Variants in FBXW7 observed in about 807,000 individuals in gnomAD.
FBXW7 encodes F-box/WD repeat-containing protein 7.
A neutral mutation model predicts 86.3 loss-of-function variants in FBXW7; 11 were observed. That is an observed-to-expected ratio of 0.13 (90% CI 0.08 to 0.21). The LOEUF (loss-of-function observed/expected upper bound fraction) is 0.21. Ranked by LOEUF, FBXW7 falls within the 10% of genes least tolerant of loss-of-function variation. The pLI is 1.00. For synonymous variants in FBXW7, 313 were observed against 297.9 expected, an observed-to-expected ratio of 1.05 and a Z score of -0.52; for missense variants, 488 against 847.4, an observed-to-expected ratio of 0.58 and a Z score of 5.27.
rs1578958066 is a variant in FBXW7 at position 152,350,407 on chromosome 4, T to C, written c.502-283A>G. On this transcript the variant is annotated intron_variant, in intron 4 of 13. Coordinates refer to ENST00000281708, the MANE Select transcript of FBXW7 (RefSeq NM_001349798.2). ...TATATATATATTCCTTGAGATAATATATCTTTCATGTTTTCCAATTTAATA... is the reference window on the plus strand; with the variant it reads ...TATATATATATTCCTTGAGATAATACATCTTTCATGTTTTCCAATTTAATA... Among the ~76,000 whole-genome samples the C allele has an allele frequency of 2.6e-5, 4 of 151,838 alleles. No homozygotes were observed. The South Asian group carries it at 8.3e-4, about 31-fold the overall frequency.
intron 2 of FBXW7, among the ~76,000 whole-genome samples, chr4:152,487,274 T>C (rs149407633): frequency 9.5e-4 from 144 of 152,200 alleles, no homozygotes; most frequent in African/African-American, 3.2e-3. Context: ...AGATTAATGA[T>C]TAATTATCAA....
chr4:152,391,992 T>G lies in FBXW7; in HGVS notation c.501+19311A>C, dbSNP rs564841248. Among the ~76,000 whole-genome samples the G allele has an allele frequency of 3.9e-4, 60 of 152,256 alleles. No homozygotes were observed. In the South Asian group the frequency reaches 6.2e-3, roughly 16 times the overall value. On this transcript the variant is annotated intron_variant, in intron 4 of 13. Transcript: ENST00000281708. ...CAGATATAAATGAGTTCTAGATAACTGAAATAAAGTATTGTATAAGACATT... is the reference window on the plus strand; with the variant it reads ...CAGATATAAATGAGTTCTAGATAACGGAAATAAAGTATTGTATAAGACATT...
chr4:152,382,538 C>T (rs1435687081), intron 4 of FBXW7: 1 of 1,127,232 alleles, frequency 8.9e-7, no homozygotes, highest in Non-Finnish European at 1.1e-6. Flanking sequence ...GCAAACTATC[C>T]TAGAATAGCC....
At chr4:152,453,983 C>T (rs1051717224) in intron 2 of FBXW7, among the ~76,000 whole-genome samples, 1 of 151,968 alleles carries the variant, frequency 6.6e-6, no homozygotes, top group Admixed American at 6.6e-5. Flanking sequence ...CCAGACATCA[C>T]GTCATTACTT....
At chr4:152,366,464 G>A (rs79895641) in intron 4 of FBXW7, among the ~76,000 whole-genome samples, 2,268 of 152,252 alleles carry the variant, frequency 0.015, 27 homozygotes, top group Middle Eastern at 0.037. Context: ...TTCACAGACA[G>A]TATTTTGTAC....
At chr4:152,411,904 T>C (rs1187236359) in intron 3 of FBXW7, 32 bp from the exon 4 acceptor site, 1 of 1,438,416 alleles carries the variant, frequency 7.0e-7, no homozygotes, top group Non-Finnish European at 9.1e-7. Flanking sequence ...AAAACAAGAT[T>C]TGTACAATCT....
chr4:152,470,881 C>T (rs1282178213), intron 2 of FBXW7, among the ~76,000 whole-genome samples: 1 of 151,982 alleles, frequency 6.6e-6, no homozygotes, highest in South Asian at 2.1e-4. Context: ...TTTTAAACTA[C>T]CAGTATGACT....
At chr4:152,521,897 CAA>C in intron 2 of FBXW7, among the ~76,000 whole-genome samples, 1 of 144,168 alleles carries the variant, frequency 6.9e-6, no homozygotes, top group South Asian at 2.2e-4. Flanking sequence ...CAGCTCACTG[CAA>C]CCTCCGTCTC....
intron 2 of FBXW7, among the ~76,000 whole-genome samples, chr4:152,507,284 C>T (rs1221390761): frequency 6.6e-6 from 1 of 152,118 alleles, no homozygotes. Context: ...GAGATCACTA[C>T]ACCAAATAAA....
intron 11 of FBXW7, 109 bp from the exon 12 acceptor site, chr4:152,326,340 T>A: frequency 1.2e-6 from 1 of 812,566 alleles, no homozygotes; most frequent in Non-Finnish European, 1.9e-6. Context: ...TTAGCTTTTT[T>A]TTTTTTTTTT....
chr4:152,338,105 A>G, intron 6 of FBXW7, 169 bp from the exon 7 acceptor site: 1 of 422,826 alleles, frequency 2.4e-6, no homozygotes, highest in Non-Finnish European at 4.1e-6. Flanking sequence ...GAAGGCATTT[A>G]ATTTCATCAC....
At chr4:152,351,584 T>A (rs1377501077) in intron 4 of FBXW7, among the ~76,000 whole-genome samples, 1 of 152,152 alleles carries the variant, frequency 6.6e-6, no homozygotes, top group Non-Finnish European at 1.5e-5. Flanking sequence ...TCCGTGTATA[T>A]AATTTATAGA....
intron 2 of FBXW7, among the ~76,000 whole-genome samples, chr4:152,436,768 C>T (rs759606266): frequency 1.3e-4 from 20 of 152,198 alleles, no homozygotes; most frequent in Non-Finnish European, 2.2e-4. Context: ...TCTCCCTGTG[C>T]TCTACAAATG....
At chr4:152,368,731 A>G (rs1733717058) in intron 4 of FBXW7, among the ~76,000 whole-genome samples, 1 of 152,130 alleles carries the variant, frequency 6.6e-6, no homozygotes, top group Non-Finnish European at 1.5e-5. Context: ...AGCAGCTAAC[A>G]TAATATGTAA....
intron 2 of FBXW7, among the ~76,000 whole-genome samples, chr4:152,450,638 T>TTAA (rs1560912925): frequency 6.6e-6 from 1 of 152,192 alleles, no homozygotes; most frequent in Admixed American, 6.5e-5. Flanking sequence ...GTACCAGGCA[T>TTAA]TAAAACCTGG....
chr4:152,405,985 G>A (rs974135459), intron 4 of FBXW7, among the ~76,000 whole-genome samples: 1 of 152,202 alleles, frequency 6.6e-6, no homozygotes, highest in Admixed American at 6.5e-5. Context: ...ATCGGAGCTT[G>A]AGAAATAATT....
At chr4:152,381,845 C>T (rs1735105525) in intron 4 of FBXW7, among the ~76,000 whole-genome samples, 1 of 152,024 alleles carries the variant, frequency 6.6e-6, no homozygotes, top group African/African-American at 2.4e-5. Flanking sequence ...AGGAGAATAC[C>T]ATCAACTTTT....
At chr4:152,426,548 A>C (rs904802586) in intron 2 of FBXW7, among the ~76,000 whole-genome samples, 1 of 152,044 alleles carries the variant, frequency 6.6e-6, no homozygotes, top group Non-Finnish European at 1.5e-5. Context: ...CAGGAGTGTC[A>C]CCATATTGGT....
At chr4:152,350,529 T>C (rs1358223513) in intron 4 of FBXW7, among the ~76,000 whole-genome samples, 1 of 151,784 alleles carries the variant, frequency 6.6e-6, no homozygotes, top group Non-Finnish European at 1.5e-5. Context: ...AACATGTTTT[T>C]AATAAAGATA....
Sources: gnomAD v4.1 joint callset for allele counts (sites outside exome capture counted in the v4.1 genomes callset) on GRCh38, gnomAD v4.1.1 for gene constraint, MANE v1.5 for transcripts, NCBI Gene and HGNC (gene_info 2026-07-23, HGNC 2026-07-21) for gene names.